Variants in PCDHGA6 observed in about 807,000 individuals in gnomAD.
The protein encoded by PCDHGA6 is protocadherin gamma-A6.
Under a neutral mutation model 60.6 loss-of-function variants are expected in PCDHGA6, and 41 were observed. The ratio of observed to expected loss-of-function variants is 0.68; its 90% CI spans 0.53 to 0.88. The LOEUF (loss-of-function observed/expected upper bound fraction) is 0.88. Ranked by LOEUF, PCDHGA6 falls within the 40% of genes least tolerant of loss-of-function variation. PCDHGA6 has a pLI of 0.00. For synonymous variants in PCDHGA6, 594 were observed against 524.4 expected (o/e 1.13, Z -1.81); for missense variants, 1,312 against 1,203.0 (o/e 1.09, Z -1.34).
chr5:141,431,770 T>A lies in PCDHGA6; in HGVS notation c.2424+55263T>A, dbSNP rs748816389. 7 of 1,614,086 alleles carry A rather than the reference T, an allele frequency of 4.3e-6. No homozygotes were observed. The highest frequency in any genetic ancestry group is 1.3e-5 in the African/African-American group (1 of 74,938). ...CGCGAGCCAAAGTCCTGATCACTGT[T>A]CTGGACGTGAACGACAATGCCCCAG... On this transcript the variant is annotated intron_variant, in intron 1 of 3. Coordinates refer to ENST00000517434, the MANE Select transcript of PCDHGA6 (RefSeq NM_018919.3). This position sits in a 1 kb window ranked among gnomAD's most constrained non-coding sequence, Gnocchi z 4.8.
In PCDHGA6 at chr5:141,476,291, G is replaced by T. The variant is rs1385060012; in HGVS notation, c.2425-18516G>T. The stretch of plus-strand genomic sequence containing the variant: ...GGTCGCGAACCTTGGTTTGGATCTC[G>T]GTAGCCTCTCAGCCCGCAGGTTCCG... On this transcript the variant is annotated intron_variant, in intron 1 of 3. Coordinates refer to ENST00000517434, the MANE Select transcript of PCDHGA6 (RefSeq NM_018919.3). This position sits in a 1 kb window ranked among gnomAD's most constrained non-coding sequence, Gnocchi z 7.6. 4 of 1,614,128 alleles carry T rather than the reference G, an allele frequency of 2.5e-6. No homozygotes were observed. Among genetic ancestry groups the T allele is most frequent in the South Asian group, 1.1e-5 (1 of 91,072 alleles).
In PCDHGA6 at chr5:141,408,035, C is replaced by T. The variant is rs886766467; in HGVS notation, c.2424+31528C>T. On this transcript the variant is annotated intron_variant, in intron 1 of 3. Transcript: ENST00000517434. ...CAGCCAACAACAGAAAGAAGAAAAC[C>T]AGCTCCCACACAGAGCCTCCCGGCT... 7.1e-6 allele frequency: 8 copies of T among 1,130,910 alleles called. No homozygotes were observed. The African/African-American group carries it at 7.8e-5, about 11-fold the overall frequency. 70.1% of individuals were successfully genotyped at this position (1,130,910 alleles called of 1,614,324 possible).
chr5:141,374,150 C>T lies in PCDHGA6; in HGVS notation c.67C>T (p.Leu23=). The T allele has an allele frequency of 6.2e-7, 1 of 1,611,806 alleles. No homozygotes were observed. The highest frequency in any genetic ancestry group is 8.5e-7 in the Non-Finnish European group (1 of 1,178,692). Residue 23 remains leucine (L), a synonymous_variant, in exon 1 of 4, where the codon CTG becomes TTG. Transcript: ENST00000517434. Reference sequence around the variant, plus strand: ...CCTGCTCCTCACGCTCCTGGGGACGCTGTGGGGGGCCGCGGCAGCGCAGAT... The same window carrying T: ...CCTGCTCCTCACGCTCCTGGGGACGTTGTGGGGGGCCGCGGCAGCGCAGAT... ...QVLLLTLLGT[L]WGAAAAQIRY...
At position 141,408,680 on chromosome 5, in the gene PCDHGA6, C is replaced by G. The variant is rs774572788; in HGVS notation, c.2424+32173C>G. 1.5e-4 allele frequency: 245 copies of G among 1,613,812 alleles called. No homozygotes were observed. Among genetic ancestry groups the G allele is most frequent in the Non-Finnish European group, 1.9e-4 (222 of 1,179,872 alleles). On this transcript the variant is annotated intron_variant, in intron 1 of 3. Coordinates refer to ENST00000517434, the MANE Select transcript of PCDHGA6 (RefSeq NM_018919.3). ...ACTATCGCTTGACCCTGCCACGGAT[C>G]CTGATATAAACATAAACTCAATTAA...
At chr5:141,404,891 C>G in intron 1 of PCDHGA6, 1 of 1,613,898 alleles carries the variant, frequency 6.2e-7, no homozygotes, top group African/African-American at 1.3e-5. Context: ...GGTGGCTGTA[C>G]AGGACCATGG....
rs760319541 is a variant in PCDHGA6, at chr5:141,477,772, C to T, written c.2425-17035C>T. 1.2e-6 allele frequency: 2 copies of T among 1,614,026 alleles called. No homozygotes were observed. Among genetic ancestry groups the T allele is most frequent in the South Asian group, 1.1e-5 (1 of 91,088 alleles). ...CCCCGGTCCTAGCCACCAACATCAGCGTGAACATATTTGTCACTGATCGCA... is the reference window on the plus strand; with the variant it reads ...CCCCGGTCCTAGCCACCAACATCAGTGTGAACATATTTGTCACTGATCGCA... On this transcript the variant is annotated intron_variant, in intron 1 of 3. Coordinates refer to ENST00000517434, the MANE Select transcript of PCDHGA6 (RefSeq NM_018919.3). This position sits in a 1 kb window ranked among gnomAD's most constrained non-coding sequence, Gnocchi z 4.9.
chr5:141,462,597 T>C (rs182073985), intron 1 of PCDHGA6, among the ~76,000 whole-genome samples: 1 of 152,320 alleles, frequency 6.6e-6, no homozygotes, highest in East Asian at 1.9e-4. Context: ...TTCCATTTCA[T>C]ATATTGTATT....
chr5:141,422,977 G>A (rs1434523351), intron 1 of PCDHGA6: 1 of 1,614,110 alleles, frequency 6.2e-7, no homozygotes, highest in Non-Finnish European at 8.5e-7. Context: ...CCGCTCTGCG[G>A]AACCTGGCTA....
At chr5:141,433,040 A>G in intron 1 of PCDHGA6, 1 of 1,614,086 alleles carries the variant, frequency 6.2e-7, no homozygotes, top group Non-Finnish European at 8.5e-7. Flanking sequence ...TTCCCTCACC[A>G]CGGACTCGCG....
intron 1 of PCDHGA6, chr5:141,392,764 C>T (rs1589161528): frequency 1.4e-6 from 2 of 1,480,722 alleles, no homozygotes; most frequent in South Asian, 2.8e-5. Context: ...CTAAATAAGA[C>T]CCATTTATGC....
intron 1 of PCDHGA6, chr5:141,414,590 G>C (rs1287207695): frequency 1.2e-6 from 2 of 1,613,936 alleles, no homozygotes; most frequent in South Asian, 1.1e-5. Flanking sequence ...AACGCCAGGG[G>C]TGCCTCCATC....
In PCDHGA6 at chr5:141,421,624, A is replaced by G; in HGVS notation, c.2424+45117A>G. On this transcript the variant is annotated intron_variant, in intron 1 of 3. Transcript: ENST00000517434. ...AATAGATATTAATGATAACGCCCCC[A>G]GCTTCCAGGAGGACGAAGTGGAGAT... 2.5e-6 allele frequency: 4 copies of G among 1,613,872 alleles called. No homozygotes were observed. The South Asian group carries it at 3.3e-5, about 13-fold the overall frequency.
At chr5:141,433,347 C>T (rs1207853986) in intron 1 of PCDHGA6, 3 of 626,596 alleles carry the variant, frequency 4.8e-6, no homozygotes, top group Non-Finnish European at 8.3e-6. Context: ...GTGCAAGCCA[C>T]CTACTGTCTG....
chr5:141,478,387 C>T, intron 1 of PCDHGA6: 1 of 1,613,642 alleles, frequency 6.2e-7, no homozygotes, highest in Non-Finnish European at 8.5e-7. Context: ...CGCACCTTTA[C>T]CATCAGGTGT....
At chr5:141,385,330 C>A (rs1183163204) in intron 1 of PCDHGA6, 1 of 1,583,780 alleles carries the variant, frequency 6.3e-7, no homozygotes, top group East Asian at 2.2e-5. Flanking sequence ...TCAGGTGAGC[C>A]CAGCCCTTCC....
intron 1 of PCDHGA6, chr5:141,378,418 G>T (rs1018299998): frequency 6.6e-6 from 1 of 152,330 alleles, no homozygotes; most frequent in African/African-American, 2.4e-5. Flanking sequence ...AGCTACTCGG[G>T]AGGCTGAGGC....
At chr5:141,409,119 C>T (rs1231583978) in intron 1 of PCDHGA6, 8 of 1,613,810 alleles carry the variant, frequency 5.0e-6, no homozygotes, top group Non-Finnish European at 6.8e-6. Flanking sequence ...AATAACCAGT[C>T]ATTTGATTTT....
intron 1 of PCDHGA6, among the ~76,000 whole-genome samples, chr5:141,492,409 C>T (rs1367119266): frequency 6.6e-6 from 1 of 152,230 alleles, no homozygotes. Context: ...TCCCCTCTGC[C>T]GCTCCCTCCG....
intron 1 of PCDHGA6, chr5:141,427,758 A>T: frequency 7.4e-7 from 1 of 1,345,378 alleles, no homozygotes; most frequent in Non-Finnish European, 1.1e-6. Context: ...CATCGTTACC[A>T]CTGACTTGGA....
Sources: allele counts gnomAD v4.1 joint callset (sites outside exome capture counted in the v4.1 genomes callset), GRCh38; gene constraint gnomAD v4.1.1; non-coding constraint Gnocchi (gnomAD v3.1); transcripts MANE v1.5; gene names NCBI Gene and HGNC (gene_info 2026-07-23, HGNC 2026-07-21).